LRP5: variants seen among roughly 807,000 people sequenced by gnomAD.
LRP5 encodes low-density lipoprotein receptor-related protein 5.
Under a neutral mutation model 154.1 loss-of-function variants are expected in LRP5, and 62 were observed. The ratio of observed to expected loss-of-function variants is 0.40; its 90% CI spans 0.33 to 0.50. The LOEUF (loss-of-function observed/expected upper bound fraction) is 0.50. LRP5 is among the 20% of genes least tolerant of loss of function. The probability of loss-of-function intolerance (pLI) is 0.55; values close to 1 mark genes in which losing one functional copy is unlikely to be tolerated. For missense variants in LRP5, 1,915 were observed against 2,336.7 expected, an observed-to-expected ratio of 0.82 and a Z score of 3.72; for synonymous variants, 966 against 1,011.5, an observed-to-expected ratio of 0.96 and a Z score of 0.85.
At chr11:68,320,078 T>C (rs2098595856) in intron 1 of LRP5, among the ~76,000 whole-genome samples, 1 of 152,178 alleles carries the variant, frequency 6.6e-6, no homozygotes, top group Admixed American at 6.5e-5. Flanking sequence ...GGAAAATCTA[T>C]TGAGCTCAGG....
chr11:68,329,209 T>G (rs2098601396), intron 1 of LRP5, among the ~76,000 whole-genome samples: 1 of 152,228 alleles, frequency 6.6e-6, no homozygotes, highest in Admixed American at 6.5e-5. Flanking sequence ...TGTATCCTGC[T>G]TTAGAACACC....
At position 68,433,688 on chromosome 11, in the gene LRP5, C is replaced by T. The variant is rs939617852; in HGVS notation, c.3850C>T (p.Pro1284Ser). The T allele has an allele frequency of 6.2e-7, 1 of 1,613,282 alleles. No individual in the cohort carries two copies. Among genetic ancestry groups the T allele is most frequent in the Admixed American group, 1.7e-5 (1 of 60,036 alleles). Residue 1284 changes from proline to serine, a missense_variant, in exon 18 of 23, where the codon CCC (proline) becomes TCC (serine). Pro to Ser is a moderately conservative substitution (Grantham distance 74). Transcript: ENST00000294304. ...IPGAWRCDGFPECDDQSDEEG... is the reference protein window; with the variant it reads ...IPGAWRCDGFSECDDQSDEEG... ...CGGGGCCTGGCGCTGTGACGGCTTTCCCGAGTGCGATGACCAGAGCGACGA... is the reference window on the plus strand; with the variant it reads ...CGGGGCCTGGCGCTGTGACGGCTTTTCCGAGTGCGATGACCAGAGCGACGA...
chr11:68,398,386 G>A (rs1435654384), intron 7 of LRP5, among the ~76,000 whole-genome samples: 1 of 152,330 alleles, frequency 6.6e-6, no homozygotes, highest in African/African-American at 2.4e-5. Flanking sequence ...TCAGGGGGGC[G>A]TGCGCCTGCT....
chr11:68,376,551 G>A (rs1226892052), intron 5 of LRP5, among the ~76,000 whole-genome samples: 1 of 152,184 alleles, frequency 6.6e-6, no homozygotes, highest in Non-Finnish European at 1.5e-5. Flanking sequence ...TGGAGGAAGG[G>A]CGCAGATGGG....
rs2153169247 is a variant in LRP5 at position 68,416,331 on chromosome 11, C to G, written c.2831C>G (p.Pro944Arg). ...LDPSSRNCSP[P>R]TTFLLFSQKS... ...GCCCTGTCTTTGCCTCCTCTAGCGC[C>G]CACCACCTTCTTGCTGTTCAGCCAG... Residue 944 changes from proline to arginine, a missense_variant, in exon 13 of 23, where the codon CCC (proline) becomes CGC (arginine). Physicochemically the swap from Pro to Arg is moderately radical, Grantham distance 103. This residue lies in a region of LRP5 where 1,094 missense variants were observed against 1,210.1 expected (regional missense o/e 0.90). Transcript: ENST00000294304. 1 of 1,614,028 alleles carries G rather than the reference C, an allele frequency of 6.2e-7. No homozygotes were observed. The highest frequency in any genetic ancestry group is 8.5e-7 in the Non-Finnish European group (1 of 1,180,004).
chr11:68,346,561 T>A (rs1230620122), intron 1 of LRP5, among the ~76,000 whole-genome samples: 2 of 152,236 alleles, frequency 1.3e-5, no homozygotes, highest in Non-Finnish European at 2.9e-5. Context: ...TTCAGTTCTG[T>A]GATTGTCATT....
In LRP5 at chr11:68,312,807, T is replaced by C; in HGVS notation, c.91+2T>C. The C allele has an allele frequency of 9.4e-7, 1 of 1,059,902 alleles. No individual in the cohort carries two copies. Among genetic ancestry groups the C allele is most frequent in the East Asian group, 9.7e-5 (1 of 10,308 alleles). The allele number at this position is 1,059,902 out of a possible 1,614,324, so 65.7% of individuals were successfully genotyped here. A position where few individuals can be genotyped will look rare whatever the true frequency, so the allele number is the denominator to read the frequency against. ...GCGGCTGCCCGGCCCCCGCCGCGGGTAGGTGGGCGCAGGCCGGCCGGGGGC... is the reference window on the plus strand; with the variant it reads ...GCGGCTGCCCGGCCCCCGCCGCGGGCAGGTGGGCGCAGGCCGGCCGGGGGC... On this transcript the variant is annotated splice_donor_variant, in intron 1 of 22. Coordinates refer to ENST00000294304, the MANE Select transcript of LRP5 (RefSeq NM_002335.4). LOFTEE classifies it high-confidence loss of function.
rs2153178662 is a variant in LRP5, at chr11:68,433,740, C to T, written c.3902C>T (p.Ala1301Val). 6.2e-7 allele frequency: 1 copy of T among 1,612,870 alleles called. No individual in the cohort carries two copies. Among genetic ancestry groups the T allele is most frequent in the South Asian group, 1.1e-5 (1 of 91,064 alleles). Residue 1301 changes from alanine (A) to valine (V), a missense_variant, in exon 18 of 23, where the codon GCC (alanine) becomes GTC (valine). Transcript: ENST00000294304. ...DEEGCPVCSA[A>V]QFPCARGQCV... The stretch of plus-strand genomic sequence containing the variant: ...GAGGGCTGCCCCGTGTGCTCCGCCG[C>T]CCAGTTCCCCTGCGCGCGGGGTCAG...
chr11:68,434,201 T>C (rs2098673587), intron 18 of LRP5, among the ~76,000 whole-genome samples: 1 of 152,198 alleles, frequency 6.6e-6, no homozygotes, highest in Admixed American at 6.5e-5. Context: ...TGTGGGATAG[T>C]GCTTAAGCCT....
intron 19 of LRP5, among the ~76,000 whole-genome samples, chr11:68,438,127 G>A (rs139857216): frequency 3.9e-5 from 6 of 152,122 alleles, no homozygotes; most frequent in East Asian, 1.9e-4. Flanking sequence ...GCCAGGGCGC[G>A]CTCACTTCTG....
At chr11:68,301,923 C>T in the LRP5 span, among the ~76,000 whole-genome samples, 8 of 151,968 alleles carry the variant, frequency 5.3e-5, no homozygotes, top group African/African-American at 1.9e-4. Context: ...CCACCGCTCC[C>T]AGCCCACAAT....
At chr11:68,369,629 C>T (rs1262401763) in intron 5 of LRP5, among the ~76,000 whole-genome samples, 7 of 152,078 alleles carry the variant, frequency 4.6e-5, no homozygotes, top group Admixed American at 2.6e-4. Context: ...AAAAATTAGC[C>T]GGGCGGTAGT....
intron 2 of LRP5, among the ~76,000 whole-genome samples, chr11:68,348,823 A>G (rs1159589305): frequency 6.6e-6 from 1 of 152,066 alleles, no homozygotes; most frequent in Non-Finnish European, 1.5e-5. Context: ...ATGCACCTGT[A>G]ATCCCAGCTT....
chr11:68,387,467 G>GGGTA (rs2098643679), intron 6 of LRP5, among the ~76,000 whole-genome samples: 1 of 152,206 alleles, frequency 6.6e-6, no homozygotes, highest in Non-Finnish European at 1.5e-5. Context: ...TCATCCAGGG[G>GGGTA]GGTAGGTACA....
At chr11:68,400,203 G>A (rs1440906851) in intron 7 of LRP5, among the ~76,000 whole-genome samples, 1 of 152,166 alleles carries the variant, frequency 6.6e-6, no homozygotes, top group Non-Finnish European at 1.5e-5. Context: ...GGGCCACCTG[G>A]GAGTGTGGAG....
At chr11:68,380,178 G>A (rs899195695) in intron 5 of LRP5, among the ~76,000 whole-genome samples, 14 of 152,350 alleles carry the variant, frequency 9.2e-5, no homozygotes, top group African/African-American at 3.1e-4. Flanking sequence ...TCATTTGGCC[G>A]AGGGGCCAGA....
intron 13 of LRP5, among the ~76,000 whole-genome samples, chr11:68,417,033 A>G (rs1335651623): frequency 1.3e-5 from 2 of 152,262 alleles, no homozygotes; most frequent in Non-Finnish European, 2.9e-5. Context: ...CCTGGGAAAT[A>G]GCAAAGTGCC....
rs28939709 is a variant in LRP5, at chr11:68,436,987, G to A, written c.4099G>A (p.Glu1367Lys). 4 of 1,613,414 alleles carry A rather than the reference G, an allele frequency of 2.5e-6. No individual in the cohort carries two copies. The highest frequency in any genetic ancestry group is 3.4e-6 in the Non-Finnish European group (4 of 1,179,832). The change falls in exon 19 of 23, where the codon GAG (glutamate) becomes AAG (lysine). Residue 1367 changes from glutamate (E) to lysine (K), a missense_variant. Physicochemically the swap from Glu to Lys is moderately conservative, Grantham distance 56. Coordinates refer to ENST00000294304, the MANE Select transcript of LRP5 (RefSeq NM_002335.4). ...CCCCGACTGTATCGACGGCTCCGAC[G>A]AGCTCATGTGTGGTGAGCCAGCTTC... is the stretch of plus-strand genomic sequence containing the variant. ...SFPDCIDGSD[E>K]LMCEITKPPS...
chr11:68,394,700 A>G (rs1212098911), intron 7 of LRP5, among the ~76,000 whole-genome samples: 1 of 151,372 alleles, frequency 6.6e-6, no homozygotes, highest in East Asian at 2.0e-4. Flanking sequence ...TCCTGACCTC[A>G]TGATCCGCCC....
Sources: gnomAD v4.1 joint callset for allele counts (sites outside exome capture counted in the v4.1 genomes callset) on GRCh38, gnomAD v4.1.1 for gene constraint, gnomAD v4.1.1 regional missense constraint, MANE v1.5 for transcripts, NCBI Gene and HGNC (gene_info 2026-07-23, HGNC 2026-07-21) for gene names.